PRPSAP2: variants seen among roughly 807,000 people sequenced by gnomAD.
PRPSAP2 encodes phosphoribosyl pyrophosphate synthetase associated protein 2, also known as phosphoribosyl pyrophosphate synthase-associated protein 2.
In PRPSAP2, 24 loss-of-function variants were observed where a neutral mutation model predicts 40.6. The observed-to-expected ratio is 0.59, with a 90% confidence interval of 0.43 to 0.83. The LOEUF is 0.83. Among genes scored for constraint, PRPSAP2 ranks in the 40% least tolerant of loss-of-function variants. The pLI is 0.00. For missense variants in PRPSAP2, 292 were observed against 465.6 expected (o/e 0.63, Z 3.43); for synonymous variants, 149 against 164.7 (o/e 0.90, Z 0.73).
chr17:18,910,748 C>T (rs887272639), intron 8 of PRPSAP2, among the ~76,000 whole-genome samples: 2 of 152,156 alleles, frequency 1.3e-5, no homozygotes, highest in African/African-American at 4.8e-5. Flanking sequence ...ATGCCCTTTG[C>T]CCCATGTAGT....
chr17:18,883,317 C>G (rs1020596741), intron 7 of PRPSAP2, among the ~76,000 whole-genome samples: 1 of 151,538 alleles, frequency 6.6e-6, no homozygotes, highest in African/African-American at 2.4e-5. Flanking sequence ...TATGAGTTAG[C>G]ATTTTTGTGA....
chr17:18,877,652 C>T (rs746154359), intron 5 of PRPSAP2, 46 bp from the exon 6 acceptor site: 16 of 1,529,602 alleles, frequency 1.0e-5, no homozygotes, highest in South Asian at 9.9e-5. Context: ...ACAGGGAATA[C>T]TGTGTTGTAG....
chr17:18,893,401 G>T (rs1265137219), intron 8 of PRPSAP2, among the ~76,000 whole-genome samples: 2 of 151,510 alleles, frequency 1.3e-5, no homozygotes, highest in Non-Finnish European at 2.9e-5. Context: ...CGCCTGCCTT[G>T]GCCTCCCCAA....
Position 18,879,745 on chromosome 17 carries a change from C to T in PRPSAP2, c.412+1875C>T, listed in dbSNP as rs548459710. 1.9e-4 allele frequency among the ~76,000 whole-genome samples: 29 copies of T among 152,152 alleles called. No homozygotes were observed. The South Asian group carries it at 5.4e-3, about 28-fold the overall frequency. ...TTGGGATTACAGGCGTGAGCCACCA[C>T]GCCCAGCCCAGAATAAACTTTCTAA... On this transcript the variant is annotated intron_variant, in intron 6 of 11. Coordinates refer to ENST00000268835, the MANE Select transcript of PRPSAP2 (RefSeq NM_002767.4).
chr17:18,886,070 G>A (rs1597608165), intron 7 of PRPSAP2, among the ~76,000 whole-genome samples: 1 of 152,070 alleles, frequency 6.6e-6, no homozygotes, highest in South Asian at 2.1e-4. Flanking sequence ...TTGTTTTCGT[G>A]TGTTAGAGCC....
intron 8 of PRPSAP2, among the ~76,000 whole-genome samples, chr17:18,892,478 T>C (rs1398289407): frequency 6.6e-6 from 1 of 152,106 alleles, no homozygotes; most frequent in Non-Finnish European, 1.5e-5. Context: ...TCTCCACATC[T>C]TCACCAACAC....
chr17:18,868,877 A>G (rs1225540221), intron 4 of PRPSAP2, among the ~76,000 whole-genome samples: 1 of 152,084 alleles, frequency 6.6e-6, no homozygotes, highest in Non-Finnish European at 1.5e-5. Flanking sequence ...ATTTTATCAA[A>G]TATTTACATA....
Position 18,877,766 on chromosome 17 carries a change from G to A in PRPSAP2, c.308G>A (p.Ser103Asn), listed in dbSNP as rs2038409400. 6.2e-7 allele frequency: 1 copy of A among 1,613,634 alleles called. No individual in the cohort carries two copies. Among genetic ancestry groups the A allele is most frequent in the Non-Finnish European group, 8.5e-7 (1 of 1,179,740 alleles). The part of the protein sequence containing the change: ...VYACKTSCAK[S>N]IIGVIPYFPY... Reference sequence around the variant, plus strand: ...GCATGTAAGACCTCTTGTGCCAAGAGCATCATTGGCGTGATACCCTACTTT... The same window carrying A: ...GCATGTAAGACCTCTTGTGCCAAGAACATCATTGGCGTGATACCCTACTTT... Residue 103 changes from serine to asparagine, a missense_variant, in exon 6 of 12, where the codon AGC becomes AAC. Ser to Asn is a conservative substitution (Grantham distance 46). Around this residue, in one of 2 missense-constraint regions of PRPSAP2, gnomAD observed 241 missense variants for 425.7 expected, o/e 0.57. Transcript: ENST00000268835.
intron 8 of PRPSAP2, among the ~76,000 whole-genome samples, chr17:18,900,811 G>A (rs550035452): frequency 6.6e-6 from 1 of 152,202 alleles, no homozygotes; most frequent in East Asian, 1.9e-4. Flanking sequence ...CATTCTCATT[G>A]GGTGGTGGTG....
chr17:18,873,363 C>T (rs1165298881), intron 5 of PRPSAP2, among the ~76,000 whole-genome samples: 4 of 151,904 alleles, frequency 2.6e-5, no homozygotes, highest in South Asian at 2.1e-4. Context: ...TGTGTCACCA[C>T]GCCCGGTTAA....
chr17:18,928,878 A>G lies in PRPSAP2; in HGVS notation c.872A>G (p.Tyr291Cys), dbSNP rs757877327. Residue 291 changes from tyrosine (Y) to cysteine (C), a missense_variant, in exon 11 of 12, where the codon TAT becomes TGT. Physicochemically the swap from Tyr to Cys is radical, Grantham distance 194. Around this residue, in one of 2 missense-constraint regions of PRPSAP2, gnomAD observed 241 missense variants for 425.7 expected, o/e 0.57. Coordinates refer to ENST00000268835, the MANE Select transcript of PRPSAP2 (RefSeq NM_002767.4). ...AAETLKERGAYKIFVMATHGL... is the reference protein window; with the variant it reads ...AAETLKERGACKIFVMATHGL... ...GAGACCCTGAAGGAAAGAGGTGCATATAAGATCTTTGTGATGGCAACTCAT... is the reference window on the plus strand; with the variant it reads ...GAGACCCTGAAGGAAAGAGGTGCATGTAAGATCTTTGTGATGGCAACTCAT... 1.9e-6 allele frequency: 3 copies of G among 1,614,162 alleles called. No homozygotes were observed. The highest frequency in any genetic ancestry group is 2.5e-6 in the Non-Finnish European group (3 of 1,180,000).
chr17:18,930,529 T>C lies in PRPSAP2; in HGVS notation c.952-11T>C. On this transcript the variant is annotated splice_polypyrimidine_tract_variant and intron_variant, in intron 11 of 11. Transcript: ENST00000268835. Reference sequence around the variant, plus strand: ...TTCTGATGCTGTGGTTTTTTTTCTTTTGCTTCACAGGTGGTGGTCACCAAT... The same window carrying C: ...TTCTGATGCTGTGGTTTTTTTTCTTCTGCTTCACAGGTGGTGGTCACCAAT... 4 of 1,605,044 alleles carry C rather than the reference T, an allele frequency of 2.5e-6. No individual in the cohort carries two copies. The highest frequency in any genetic ancestry group is 1.7e-6 in the Non-Finnish European group (2 of 1,175,734).
In PRPSAP2 at chr17:18,928,972, G is replaced by A. The variant is rs561030100; in HGVS notation, c.951+15G>A. On this transcript the variant is annotated intron_variant, in intron 11 of 11. Transcript: ENST00000268835. ...CCATTGATGAGGTAACAGGGTCTGG[G>A]TGTGTGTGGGTACAGCTGCCTGGGC... 1 of 1,609,500 alleles carries A rather than the reference G, an allele frequency of 6.2e-7. No homozygotes were observed. The highest frequency in any genetic ancestry group is 1.1e-5 in the South Asian group (1 of 90,836).
At chr17:18,914,964 G>GGGA (rs1414603540) in intron 9 of PRPSAP2, among the ~76,000 whole-genome samples, 4 of 151,384 alleles carry the variant, frequency 2.6e-5, no homozygotes, top group African/African-American at 9.7e-5. Context: ...GAACTCAAGT[G>GGGA]GTCCGCCTGC....
chr17:18,875,904 C>T (rs929905592), intron 5 of PRPSAP2, among the ~76,000 whole-genome samples: 6 of 150,376 alleles, frequency 4.0e-5, no homozygotes, highest in African/African-American at 9.8e-5. Flanking sequence ...AGGCCCCAGG[C>T]GTGCAGATCA....
At chr17:18,916,619 T>G (rs1334735696) in intron 9 of PRPSAP2, among the ~76,000 whole-genome samples, 1 of 151,860 alleles carries the variant, frequency 6.6e-6, no homozygotes, top group East Asian at 1.9e-4. Context: ...TGACTTCAGG[T>G]GATCCGTCCA....
At chr17:18,882,108 G>GGATT (rs1404502917) in intron 6 of PRPSAP2, among the ~76,000 whole-genome samples, 2 of 151,864 alleles carry the variant, frequency 1.3e-5, no homozygotes, top group Non-Finnish European at 2.9e-5. Flanking sequence ...CAAAGTGCTG[G>GGATT]GATTACAGGC....
chr17:18,866,393 CGTCTACTAAAAATA>C (rs2037432284), intron 3 of PRPSAP2, among the ~76,000 whole-genome samples: 1 of 152,134 alleles, frequency 6.6e-6, no homozygotes, highest in East Asian at 1.9e-4. Context: ...TGAAACCCCG[CGTCTACTAAAAATA>C]CAAAAAATTA....
At chr17:18,906,771 T>C (rs1303900757) in intron 8 of PRPSAP2, among the ~76,000 whole-genome samples, 1 of 151,822 alleles carries the variant, frequency 6.6e-6, no homozygotes, top group Non-Finnish European at 1.5e-5. Flanking sequence ...GGTCTTGAAC[T>C]CCTTGTCCCA....
Sources: allele counts gnomAD v4.1 joint callset (sites outside exome capture counted in the v4.1 genomes callset), GRCh38; gene constraint gnomAD v4.1.1; regional missense constraint gnomAD v4.1.1; transcripts MANE v1.5; gene names NCBI Gene and HGNC (gene_info 2026-07-23, HGNC 2026-07-21).